The following LPA variants were observed in gnomAD, a reference collection of about 807,000 sequenced individuals.
LPA encodes the protein lipoprotein(a).
Under a neutral mutation model 197.9 loss-of-function variants are expected in LPA, and 199 were observed. That is an observed-to-expected ratio of 1.01 (90% CI 0.90 to 1.13). The LOEUF (loss-of-function observed/expected upper bound fraction) is 1.13, where lower values mean the gene tolerates loss of function less well. Ranked by LOEUF, LPA falls within the 50% of genes most tolerant of loss-of-function variation. The pLI, the probability that LPA is intolerant of heterozygous loss-of-function variation, is 0.00. For synonymous variants in LPA, 715 were observed against 639.5 expected (o/e 1.12, Z -1.78); for missense variants, 1,853 against 1,785.8 (o/e 1.04, Z -0.68).
chr6:160,545,048 G>C (rs745502817), intron 33 of LPA, among the ~76,000 whole-genome samples: 24 of 151,952 alleles, frequency 1.6e-4, no homozygotes, highest in Non-Finnish European at 3.1e-4. Flanking sequence ...CCTGCTGCTC[G>C]TATTTTTTTT....
intron 6 of LPA, among the ~76,000 whole-genome samples, chr6:160,637,315 T>C (rs1279680936): frequency 6.5e-5 from 8 of 122,546 alleles, no homozygotes; most frequent in African/African-American, 1.7e-4. Flanking sequence ...TTCTTCGTAA[T>C]TGAAAAGTTA....
chr6:160,610,646 T>A (rs1323409317), intron 16 of LPA, among the ~76,000 whole-genome samples: 3 of 152,172 alleles, frequency 2.0e-5, no homozygotes, highest in Non-Finnish European at 4.4e-5. Flanking sequence ...TAGAGCTCCT[T>A]TCCTCCACAA....
intron 1 of LPA, among the ~76,000 whole-genome samples, chr6:160,663,616 T>A (rs1484070727): frequency 1.3e-5 from 2 of 152,224 alleles, no homozygotes; most frequent in African/African-American, 2.4e-5. Flanking sequence ...TATGCGTATA[T>A]CATCTGGCAA....
chr6:160,585,318 T>C, intron 25 of LPA, 113 bp from the exon 26 acceptor site: 2 of 965,890 alleles, frequency 2.1e-6, no homozygotes, highest in Non-Finnish European at 3.4e-6. Flanking sequence ...CACTCTTCTA[T>C]ATTAGCATGC....
intron 26 of LPA, among the ~76,000 whole-genome samples, chr6:160,580,611 G>C (rs1170943207): frequency 2.6e-5 from 4 of 152,152 alleles, no homozygotes; most frequent in Non-Finnish European, 5.9e-5. Flanking sequence ...CATGTACACT[G>C]GATGTTCAGT....
At chr6:160,601,574 G>A (rs1779242873) in intron 18 of LPA, among the ~76,000 whole-genome samples, 1 of 152,150 alleles carries the variant, frequency 6.6e-6, no homozygotes, top group Admixed American at 6.5e-5. Context: ...GAAAAAAATG[G>A]CATCCAGCAT....
At chr6:160,608,218 C>G (rs1268327157) in intron 16 of LPA, among the ~76,000 whole-genome samples, 1 of 152,232 alleles carries the variant, frequency 6.6e-6, no homozygotes, top group Admixed American at 6.5e-5. Context: ...CTTCTTCTAC[C>G]TAATTCCTTT....
intron 16 of LPA, among the ~76,000 whole-genome samples, chr6:160,610,196 G>C (rs1779461987): frequency 6.6e-6 from 1 of 151,900 alleles, no homozygotes; most frequent in South Asian, 2.1e-4. Context: ...TTTAATTTAG[G>C]ACTCACTCTG....
At chr6:160,648,212 A>G (rs1285689703) in intron 2 of LPA, among the ~76,000 whole-genome samples, 1 of 152,156 alleles carries the variant, frequency 6.6e-6, no homozygotes, top group Non-Finnish European at 1.5e-5. Context: ...CACTTGTATC[A>G]CTGTTCCTCT....
chr6:160,657,610 A>G (rs1780153936), intron 1 of LPA, among the ~76,000 whole-genome samples: 1 of 151,952 alleles, frequency 6.6e-6, no homozygotes, highest in African/African-American at 2.4e-5. Context: ...TTTTAGCCAG[A>G]ATTGTCTCAA....
At chr6:160,571,151 A>G (rs1392242157) in intron 28 of LPA, among the ~76,000 whole-genome samples, 1 of 151,760 alleles carries the variant, frequency 6.6e-6, no homozygotes, top group Non-Finnish European at 1.5e-5. Flanking sequence ...CTTCCACTTG[A>G]TCGATTTTGC....
At position 160,574,660 on chromosome 6, in the gene LPA, C is replaced by A. The variant is rs73784289; in HGVS notation, c.4631+2476G>T. On this transcript the variant is annotated intron_variant, in intron 28 of 38. Transcript: ENST00000316300. ...CAGGTAAAGTTGGGAACTTCTCCTGCAAACAGACTTTCAGCTTCTCCAGTT... is the reference window on the plus strand; with the variant it reads ...CAGGTAAAGTTGGGAACTTCTCCTGAAAACAGACTTTCAGCTTCTCCAGTT... 7.0e-3 allele frequency among the ~76,000 whole-genome samples: 1,062 copies of A among 152,270 alleles called. 13 individuals carry two copies. The highest frequency in any genetic ancestry group is 0.024 in the African/African-American group (1,004 of 41,544).
At chr6:160,545,240 CG>C (rs1372222468) in intron 33 of LPA, among the ~76,000 whole-genome samples, 199 bp downstream of exon 33, 3 of 151,254 alleles carry the variant, frequency 2.0e-5, no homozygotes, top group Non-Finnish European at 4.4e-5. Context: ...GTGGGAGGGG[CG>C]GGTGTTTTCC....
intron 35 of LPA, 49 bp from the exon 36 acceptor site, chr6:160,540,232 G>C: frequency 6.2e-7 from 1 of 1,612,218 alleles, no homozygotes; most frequent in South Asian, 1.1e-5. Context: ...AGCCCCTTCA[G>C]GTATCCTCTG....
intron 28 of LPA, among the ~76,000 whole-genome samples, chr6:160,569,072 G>C (rs1235816212): frequency 2.6e-5 from 4 of 152,158 alleles, no homozygotes; most frequent in African/African-American, 7.2e-5. Context: ...GTAATTTATA[G>C]ATTCAATGCC....
intron 28 of LPA, among the ~76,000 whole-genome samples, chr6:160,559,128 C>T (rs899730889): frequency 4.6e-5 from 7 of 152,194 alleles, no homozygotes; most frequent in Admixed American, 6.5e-5. Flanking sequence ...CATCACCACA[C>T]GGAACATTTC....
rs139937718 is a variant in LPA, at chr6:160,605,046, G to A, written c.2945C>T (p.Ala982Val). Residue 982 changes from alanine (A) to valine (V), a missense_variant and splice_region_variant, in exon 18 of 39, where the codon GCT becomes GTT. Around this residue, in one of 3 missense-constraint regions of LPA, gnomAD observed 1,737 missense variants for 1,504.4 expected, o/e 1.15. Coordinates refer to ENST00000316300, the MANE Select transcript of LPA (RefSeq NM_005577.4). ...HSRTPAYYPNAGLIKNYCRNP... is the reference protein window; with the variant it reads ...HSRTPAYYPNVGLIKNYCRNP... ...CTTATGGTAAAGAAAATAGACATAC[G>A]CATTTGGGTAGTATGCTGGGGTCCG... 1.3e-4 allele frequency: 212 copies of A among 1,613,532 alleles called. 2 individuals carry two copies. In the East Asian group the frequency reaches 2.3e-3, roughly 18 times the overall value.
intron 16 of LPA, among the ~76,000 whole-genome samples, chr6:160,607,320 C>T (rs1450368823): frequency 6.6e-6 from 1 of 152,136 alleles, no homozygotes; most frequent in Non-Finnish European, 1.5e-5. Flanking sequence ...GGAAAACTTG[C>T]TCCCAGGCAG....
At position 160,586,443 on chromosome 6, in the gene LPA, T is replaced by C; in HGVS notation, c.4129+6A>G. 1 of 1,613,454 alleles carries C rather than the reference T, an allele frequency of 6.2e-7. No individual in the cohort carries two copies. The highest frequency in any genetic ancestry group is 8.5e-7 in the Non-Finnish European group (1 of 1,179,486). Reference sequence around the variant, plus strand: ...GGGTATGGTTGTCTGACTGCAGGCTTCTTACCTTCTTCAGAAGGAAGCTCT... The same window carrying C: ...GGGTATGGTTGTCTGACTGCAGGCTCCTTACCTTCTTCAGAAGGAAGCTCT... On this transcript the variant is annotated splice_donor_region_variant and intron_variant, in intron 25 of 38. Transcript: ENST00000316300.
Sources: allele counts gnomAD v4.1 joint callset (sites outside exome capture counted in the v4.1 genomes callset), GRCh38; gene constraint gnomAD v4.1.1; regional missense constraint gnomAD v4.1.1; transcripts MANE v1.5; gene names NCBI Gene and HGNC (gene_info 2026-07-23, HGNC 2026-07-21).